MBP: variants seen among roughly 807,000 people sequenced by gnomAD.
MBP encodes the protein myelin basic protein, also known as Golli-MBP.
A neutral mutation model predicts 35.8 loss-of-function variants in MBP; 16 were observed. The ratio of observed to expected loss-of-function variants is 0.45; its 90% confidence interval spans 0.30 to 0.68. The LOEUF (loss-of-function observed/expected upper bound fraction) is 0.68. MBP is among the 30% of genes least tolerant of loss of function. The probability of loss-of-function intolerance (pLI) is 0.08; values close to 1 mark genes in which losing one functional copy is unlikely to be tolerated. For synonymous variants in MBP, 143 were observed against 159.6 expected (o/e 0.90, Z 0.78); for missense variants, 380 against 404.7 (o/e 0.94, Z 0.52).
At chr18:77,067,406 T>C (rs1026661434) in intron 2 of MBP, among the ~76,000 whole-genome samples, 2 of 152,212 alleles carry the variant, frequency 1.3e-5, no homozygotes, top group African/African-American at 4.8e-5. Context: ...GGTGACGTCA[T>C]GTCGGCACGC....
Position 76,988,628 on chromosome 18 carries a change from G to A in MBP, c.718-101C>T. The A allele has an allele frequency of 6.6e-7, 1 of 1,525,842 alleles. No individual in the cohort carries two copies. The highest frequency in any genetic ancestry group is 8.8e-7 in the Non-Finnish European group (1 of 1,141,542). 94.5% of individuals were successfully genotyped at this position (1,525,842 alleles called of 1,614,324 possible). ...GTCAAAGCACAGTGGAGCTGAGGTG[G>A]TAAAAACAGGTTCCACCCGGAGCTC... On this transcript the variant is annotated intron_variant, in intron 6 of 8. Transcript: ENST00000355994. The surrounding 1 kb of genome is among the most constrained non-coding windows in gnomAD (Gnocchi z 5.2).
intron 2 of MBP, among the ~76,000 whole-genome samples, chr18:77,067,015 G>A: frequency 6.6e-6 from 1 of 152,368 alleles, no homozygotes; most frequent in Non-Finnish European, 1.5e-5. Flanking sequence ...GTGTGAGCTT[G>A]TTTTTCGAGT....
intron 7 of MBP, chr18:76,985,604 G>T: frequency 9.3e-7 from 1 of 1,074,048 alleles, no homozygotes. Flanking sequence ...GACAGAGGGA[G>T]GAGGCAGGCC....
chr18:77,014,396 GAA>G (rs966028038), intron 4 of MBP: 2 of 985,308 alleles, frequency 2.0e-6, no homozygotes, highest in African/African-American at 1.7e-5. Flanking sequence ...AATCTGCCAG[GAA>G]AACCTCGTTC....
chr18:77,116,379 A>T (rs2145191642), intron 1 of MBP, among the ~76,000 whole-genome samples: 1 of 152,370 alleles, frequency 6.6e-6, no homozygotes, highest in Admixed American at 6.5e-5. Context: ...CATTAGAAAG[A>T]CAAAGGATGC....
intron 1 of MBP, among the ~76,000 whole-genome samples, chr18:77,128,455 ATG>A (rs1177752015): frequency 2.6e-5 from 4 of 151,940 alleles, no homozygotes; most frequent in Non-Finnish European, 2.9e-5. Flanking sequence ...CTGTCCTCTG[ATG>A]TGTTGGTGGT....
At chr18:77,051,297 C>T (rs12454943) in intron 3 of MBP, among the ~76,000 whole-genome samples, 14,634 of 152,222 alleles carry the variant, frequency 0.096, 1,286 homozygotes, top group East Asian at 0.31. Context: ...CTTTCACTTG[C>T]GGGCGAATGA....
intron 2 of MBP, among the ~76,000 whole-genome samples, chr18:77,075,922 C>A (rs943191573): frequency 6.6e-6 from 1 of 152,120 alleles, no homozygotes; most frequent in Admixed American, 6.5e-5. Context: ...GGACTGTTGG[C>A]CTCTGGAGGC....
At chr18:77,086,847 A>T (rs78895896) in intron 2 of MBP, among the ~76,000 whole-genome samples, 8,129 of 152,322 alleles carry the variant, frequency 0.053, 309 homozygotes, top group Middle Eastern at 0.085. Context: ...ACAGGAAAAG[A>T]GTGTCTTAAG....
intron 2 of MBP, among the ~76,000 whole-genome samples, chr18:77,088,807 C>G (rs1975382486): frequency 6.6e-6 from 1 of 152,204 alleles, no homozygotes; most frequent in African/African-American, 2.4e-5. Context: ...ATAATATGCC[C>G]AAGTCCTAGC....
chr18:77,131,851 G>A lies in MBP; in HGVS notation c.-26+729C>T, dbSNP rs1977285168. ...GAAGACCCGGGCGGGCCGGCGGGCG[G>A]CTGCGGGCGGCGCACGTGGGCCCAG... On this transcript the variant is annotated intron_variant, in intron 1 of 8. Transcript: ENST00000355994. The surrounding 1 kb of genome is among the most constrained non-coding windows in gnomAD (Gnocchi z 5.5). 1.3e-5 allele frequency among the ~76,000 whole-genome samples: 2 copies of A among 152,064 alleles called. No individual in the cohort carries two copies. Among genetic ancestry groups the A allele is most frequent in the Non-Finnish European group, 2.9e-5 (2 of 67,960 alleles).
At chr18:77,120,598 A>C (rs1275192920) in intron 1 of MBP, among the ~76,000 whole-genome samples, 1 of 152,340 alleles carries the variant, frequency 6.6e-6, no homozygotes, top group East Asian at 1.9e-4. Context: ...AGACTATTTT[A>C]CAAAACGCAT....
At chr18:77,013,298 G>A in intron 4 of MBP, 1 of 985,272 alleles carries the variant, frequency 1.0e-6, no homozygotes, top group Non-Finnish European at 1.2e-6. Flanking sequence ...GGTTCTGTGT[G>A]CACACTGGGC....
chr18:76,980,785 T>G, intron 8 of MBP: 1 of 315,880 alleles, frequency 3.2e-6, no homozygotes, highest in Non-Finnish European at 5.9e-6. Flanking sequence ...AGCCGCTCCA[T>G]TGCTTTGCTT....
At chr18:77,076,497 G>C (rs1396158512) in intron 2 of MBP, among the ~76,000 whole-genome samples, 3 of 152,246 alleles carry the variant, frequency 2.0e-5, no homozygotes, top group Non-Finnish European at 4.4e-5. Context: ...CATCGAGGCG[G>C]CACCGTCGCT....
chr18:77,020,953 C>T lies in MBP; in HGVS notation c.140-3685G>A, dbSNP rs1181386702. Among the ~76,000 whole-genome samples, 6 of 152,226 alleles carry T rather than the reference C, an allele frequency of 3.9e-5. No homozygotes were observed. The highest frequency in any genetic ancestry group is 8.8e-5 in the Non-Finnish European group (6 of 68,040). On this transcript the variant is annotated intron_variant, in intron 3 of 8. Transcript: ENST00000355994. The surrounding 1 kb of genome is among the most constrained non-coding windows in gnomAD (Gnocchi z 4.1). ...ACGTTGGTGAGGAAAAGATGTTTCT[C>T]ATGTGGTTTGGTTCACACTAAAAAT...
intron 1 of MBP, chr18:77,113,414 C>T (rs1976542787): frequency 6.6e-6 from 1 of 152,352 alleles, no homozygotes; most frequent in Non-Finnish European, 1.5e-5. Context: ...AGAGCTCCCA[C>T]TCTGCCAACG....
At chr18:77,076,682 A>G (rs1451169398) in intron 2 of MBP, among the ~76,000 whole-genome samples, 1 of 152,216 alleles carries the variant, frequency 6.6e-6, no homozygotes, top group Non-Finnish European at 1.5e-5. Flanking sequence ...AGCAGTTATT[A>G]AATATATTGG....
chr18:76,997,956 A>G (rs1970403401), intron 4 of MBP, among the ~76,000 whole-genome samples: 2 of 151,988 alleles, frequency 1.3e-5, no homozygotes, highest in Non-Finnish European at 1.5e-5. Context: ...TGCTGGGATT[A>G]CAGGCGTGAG....
Sources: gnomAD v4.1 joint callset for allele counts (sites outside exome capture counted in the v4.1 genomes callset) on GRCh38, gnomAD v4.1.1 for gene constraint, Gnocchi (gnomAD v3.1) non-coding constraint, MANE v1.5 for transcripts, NCBI Gene and HGNC (gene_info 2026-07-23, HGNC 2026-07-21) for gene names.